BRDT: variants seen among roughly 807,000 people sequenced by gnomAD.
The protein encoded by BRDT is bromodomain testis associated.
In BRDT, 77 loss-of-function variants were observed where a neutral mutation model predicts 113.9. The ratio of observed to expected loss-of-function variants is 0.68; its 90% CI spans 0.56 to 0.82. BRDT has a LOEUF of 0.82. Among genes scored for constraint, BRDT ranks in the 40% least tolerant of loss-of-function variants. The pLI is 0.00. For synonymous variants in BRDT, 358 were observed against 366.5 expected, an observed-to-expected ratio of 0.98 and a Z score of 0.26; for missense variants, 1,027 against 1,105.4, an observed-to-expected ratio of 0.93 and a Z score of 1.01.
intron 2 of BRDT, among the ~76,000 whole-genome samples, chr1:91,963,826 A>G (rs1682766328): frequency 6.8e-6 from 1 of 146,672 alleles, no homozygotes; most frequent in Non-Finnish European, 1.5e-5. Flanking sequence ...AAATAATGCC[A>G]CAGCAGTCAG....
chr1:91,967,018 G>C (rs975406898), intron 3 of BRDT, among the ~76,000 whole-genome samples: 5 of 152,130 alleles, frequency 3.3e-5, no homozygotes, highest in African/African-American at 1.2e-4. Flanking sequence ...GCAGTGAGCC[G>C]AGATTGCGCC....
At chr1:91,962,344 C>G (rs146680498) in intron 1 of BRDT, among the ~76,000 whole-genome samples, 2 of 147,270 alleles carry the variant, frequency 1.4e-5, no homozygotes, top group South Asian at 2.1e-4. Context: ...TGTGTTAACT[C>G]TTTTTTGAGA....
chr1:92,013,307 A>G (rs899733292), intron 18 of BRDT, among the ~76,000 whole-genome samples: 2 of 152,098 alleles, frequency 1.3e-5, no homozygotes, highest in African/African-American at 4.8e-5. Flanking sequence ...AAAGAAATTT[A>G]TATGGTTTGT....
intron 1 of BRDT, among the ~76,000 whole-genome samples, chr1:91,956,928 G>C (rs1165618485): frequency 2.0e-5 from 3 of 152,154 alleles, no homozygotes; most frequent in African/African-American, 4.8e-5. Flanking sequence ...GACAGAGCAA[G>C]ACCCTGTCTC....
At chr1:91,962,140 G>A (rs1049591034) in intron 1 of BRDT, among the ~76,000 whole-genome samples, 2 of 71,688 alleles carry the variant, frequency 2.8e-5, no homozygotes, top group South Asian at 5.7e-4. Flanking sequence ...GCAAGACTCC[G>A]TCTCAAAAAA....
At chr1:92,009,067 A>G (rs1687577812) in intron 18 of BRDT, among the ~76,000 whole-genome samples, 1 of 152,102 alleles carries the variant, frequency 6.6e-6, no homozygotes, top group African/African-American at 2.4e-5. Context: ...TGGAATTCCT[A>G]CTGTCTAACT....
intron 11 of BRDT, 118 bp downstream of exon 11, chr1:91,981,499 C>T (rs1231481777): frequency 1.6e-5 from 24 of 1,535,686 alleles, no homozygotes; most frequent in Non-Finnish European, 2.0e-5. Context: ...CCACCTTGGC[C>T]TCTCAAAGTG....
chr1:91,952,083 C>T (rs1002212841), intron 1 of BRDT: 1 of 152,166 alleles, frequency 6.6e-6, no homozygotes, highest in Admixed American at 6.6e-5. Context: ...TGCTTTGGCA[C>T]CATTTGTAGG....
chr1:91,995,565 C>T (rs764673009), intron 15 of BRDT, among the ~76,000 whole-genome samples: 5 of 151,620 alleles, frequency 3.3e-5, no homozygotes, highest in African/African-American at 7.3e-5. Context: ...CGGGTTTAAG[C>T]GATTCTCCTG....
chr1:91,956,464 T>G (rs1570421591), intron 1 of BRDT, among the ~76,000 whole-genome samples: 1 of 152,334 alleles, frequency 6.6e-6, no homozygotes, highest in Non-Finnish European at 1.5e-5. Flanking sequence ...CAGTGTTCTA[T>G]ATCTGCATTG....
At chr1:92,012,296 T>C (rs1235000732) in intron 18 of BRDT, among the ~76,000 whole-genome samples, 2 of 129,440 alleles carry the variant, frequency 1.5e-5, no homozygotes, top group Non-Finnish European at 3.3e-5. Flanking sequence ...AAACTCCATC[T>C]AGAAAAAAAA....
chr1:91,957,152 TTTGTG>T (rs1308532126), intron 1 of BRDT, among the ~76,000 whole-genome samples: 1 of 152,080 alleles, frequency 6.6e-6, no homozygotes, highest in African/African-American at 2.4e-5. Flanking sequence ...AGCAAAAACT[TTTGTG>T]TTAGCGCTGA....
intron 4 of BRDT, among the ~76,000 whole-genome samples, chr1:91,974,541 T>G (rs565023223): frequency 6.6e-6 from 1 of 152,356 alleles, no homozygotes; most frequent in South Asian, 2.1e-4. Flanking sequence ...ATGCTCATCA[T>G]CACTGGCCAT....
chr1:91,967,284 TGGAG>T (rs1683158943), intron 3 of BRDT, among the ~76,000 whole-genome samples: 1 of 152,064 alleles, frequency 6.6e-6, no homozygotes, highest in Non-Finnish European at 1.5e-5. Flanking sequence ...TTGCCCAGGC[TGGAG>T]TGCAATGGTG....
At chr1:91,981,208 G>C in intron 10 of BRDT, 30 bp downstream of exon 10, 2 of 1,607,104 alleles carry the variant, frequency 1.2e-6, no homozygotes, top group Non-Finnish European at 1.7e-6. Context: ...AATAGAAATC[G>C]GTTTGGTATT....
intron 4 of BRDT, among the ~76,000 whole-genome samples, chr1:91,975,164 G>A (rs1684010339): frequency 6.6e-6 from 1 of 152,188 alleles, no homozygotes; most frequent in East Asian, 1.9e-4. Flanking sequence ...ATAGCATTAG[G>A]AGATATGCCT....
At chr1:92,006,481 A>T (rs1279128376) in intron 18 of BRDT, among the ~76,000 whole-genome samples, 5 of 151,376 alleles carry the variant, frequency 3.3e-5, no homozygotes, top group Admixed American at 3.3e-4. Context: ...GTTTGTTTTT[A>T]TCGAGATGAA....
chr1:91,962,916 T>C lies in BRDT; in HGVS notation c.162T>C (p.Arg54=). The change falls in exon 2 of 19, where the codon CGT becomes CGC. Residue 54 remains arginine (R), a synonymous_variant. Coordinates refer to ENST00000399546, the MANE Select transcript of BRDT (RefSeq NM_207189.4). ...WKHSFSWPFQ[R]PVDAVKLQLP... ...ATAGTTTTTCATGGCCCTTTCAACG[T>C]CCTGTGGATGCTGTGAAACTACAGT... The C allele has an allele frequency of 1.9e-6, 3 of 1,604,908 alleles. No homozygotes were observed. The highest frequency in any genetic ancestry group is 2.5e-6 in the Non-Finnish European group (3 of 1,176,976).
chr1:91,986,515 CTGTT>C (rs1312723380), intron 12 of BRDT, among the ~76,000 whole-genome samples: 1 of 152,210 alleles, frequency 6.6e-6, no homozygotes, highest in Non-Finnish European at 1.5e-5. Context: ...CATCAGTTCA[CTGTT>C]TTTCTTTAGT....
Sources: gnomAD v4.1 joint callset for allele counts (sites outside exome capture counted in the v4.1 genomes callset) on GRCh38, gnomAD v4.1.1 for gene constraint, MANE v1.5 for transcripts, NCBI Gene and HGNC (gene_info 2026-07-23, HGNC 2026-07-21) for gene names.